The following SRPK2 variants were observed in gnomAD, a reference collection of about 807,000 sequenced individuals.
The protein encoded by SRPK2 is SFRS protein kinase 2.
Under a neutral mutation model 90.8 loss-of-function variants are expected in SRPK2, and 21 were observed. The observed-to-expected ratio is 0.23, with a 90% CI of 0.16 to 0.33. The LOEUF is 0.33. Ranked by LOEUF, SRPK2 falls within the 10% of genes least tolerant of loss-of-function variation. The pLI is 1.00. For missense variants in SRPK2, 620 were observed against 869.0 expected, an observed-to-expected ratio of 0.71 and a Z score of 3.60; for synonymous variants, 288 against 311.1, an observed-to-expected ratio of 0.93 and a Z score of 0.78.
chr7:105,225,215 A>G (rs963170214), intron 2 of SRPK2, among the ~76,000 whole-genome samples: 1 of 152,118 alleles, frequency 6.6e-6, no homozygotes, highest in Admixed American at 6.5e-5. Flanking sequence ...AAAACAAAAA[A>G]CAAAACACCA....
intron 6 of SRPK2, 115 bp downstream of exon 6, chr7:105,167,262 T>G (rs1317818962): frequency 6.2e-6 from 5 of 803,316 alleles, no homozygotes; most frequent in Non-Finnish European, 7.8e-6. Context: ...CTTGACAATG[T>G]TCCTAGAGTG....
chr7:105,324,388 T>C (rs558260623), intron 2 of SRPK2, among the ~76,000 whole-genome samples: 16 of 152,002 alleles, frequency 1.1e-4, no homozygotes, highest in Middle Eastern at 3.4e-3. Context: ...AATGGCGCGA[T>C]CTCAGCTCAC....
intron 2 of SRPK2, among the ~76,000 whole-genome samples, chr7:105,334,292 G>A (rs1368532415): frequency 6.6e-6 from 1 of 152,186 alleles, no homozygotes; most frequent in Non-Finnish European, 1.5e-5. Context: ...ACACTGGCCA[G>A]ATGGTCTCAT....
chr7:105,260,777 A>G (rs1365746899), intron 2 of SRPK2, among the ~76,000 whole-genome samples: 1 of 151,992 alleles, frequency 6.6e-6, no homozygotes, highest in Non-Finnish European at 1.5e-5. Context: ...GCAAACTATC[A>G]CAAGGACAGA....
chr7:105,143,836 A>G (rs1804154522), intron 9 of SRPK2: 1 of 153,364 alleles, frequency 6.5e-6, no homozygotes, highest in Admixed American at 6.5e-5. Context: ...AAGGGAAAAA[A>G]GAAAAAGCTA....
At chr7:105,185,644 T>G (rs1793483814) in intron 3 of SRPK2, among the ~76,000 whole-genome samples, 1 of 152,154 alleles carries the variant, frequency 6.6e-6, no homozygotes, top group Non-Finnish European at 1.5e-5. Context: ...AGAAAAAAGG[T>G]CTTAGAGACA....
At chr7:105,233,055 G>A (rs1281591639) in intron 2 of SRPK2, among the ~76,000 whole-genome samples, 1 of 147,160 alleles carries the variant, frequency 6.8e-6, no homozygotes, top group African/African-American at 2.5e-5. Flanking sequence ...AGGGAGAGAG[G>A]GAGGGAGCAA....
intron 6 of SRPK2, among the ~76,000 whole-genome samples, chr7:105,162,561 A>C (rs1807843105): frequency 6.6e-6 from 1 of 152,228 alleles, no homozygotes; most frequent in African/African-American, 2.4e-5. Flanking sequence ...TATTAAAACA[A>C]TATTATTTTA....
chr7:105,170,938 A>G (rs1476488401), intron 3 of SRPK2, among the ~76,000 whole-genome samples: 1 of 36,352 alleles, frequency 2.8e-5, no homozygotes, highest in Non-Finnish European at 8.0e-5. Context: ...GAAAAAGGAA[A>G]GAAAGAAAGA....
rs533725250 is a variant in SRPK2, at chr7:105,146,589, T to C, written c.691A>G (p.Ile231Val). ...IIHTDIKPEN[I>V]LMCVDDAYVR... is the part of the protein sequence containing the mutation. ...TATGCATCATCCACACACATCAAGA[T>C]ATTTTCCGGCTTTATGTCAGTATGA... The change falls in exon 8 of 16, where the codon ATC becomes GTC. Residue 231 changes from isoleucine to valine, a missense_variant. By Grantham distance (29) the Ile-to-Val change is conservative (BLOSUM62 3). This residue lies in a region of SRPK2 where 196 missense variants were observed against 339.2 expected (regional missense o/e 0.58). Transcript: ENST00000393651. 1 of 1,614,172 alleles carries C rather than the reference T, an allele frequency of 6.2e-7. No homozygotes were observed. Among genetic ancestry groups the C allele is most frequent in the African/African-American group, 1.3e-5 (1 of 75,060 alleles).
At chr7:105,134,240 G>C (rs554098491) in intron 11 of SRPK2, among the ~76,000 whole-genome samples, 1 of 152,308 alleles carries the variant, frequency 6.6e-6, no homozygotes, top group Non-Finnish European at 1.5e-5. Flanking sequence ...GGCCTGGTGA[G>C]AGGTGACTGG....
At position 105,203,616 on chromosome 7, in the gene SRPK2, T is replaced by C. The variant is rs753447259; in HGVS notation, c.229+12A>G. 6 of 1,475,822 alleles carry C rather than the reference T, an allele frequency of 4.1e-6. No individual in the cohort carries two copies. In the African/African-American group the frequency reaches 8.8e-5, roughly 22 times the overall value. The allele number at this position is 1,475,822 out of a possible 1,614,324, so 91.4% of individuals were successfully genotyped here. A position where few individuals can be genotyped will look rare whatever the true frequency, so the allele number is the denominator to read the frequency against. On this transcript the variant is annotated intron_variant, in intron 3 of 15. Coordinates refer to ENST00000393651, the MANE Select transcript of SRPK2 (RefSeq NM_182692.3). ...GAAGGCAAGCCCCACACCACCATGC[T>C]TGGCACATCACCTTTGCAGTAGTCC... is the stretch of plus-strand genomic sequence containing the variant.
upstream of SRPK2, chr7:105,389,356 T>G (rs1215273774): frequency 4.7e-6 from 6 of 1,274,340 alleles, no homozygotes; most frequent in Non-Finnish European, 6.1e-6. Flanking sequence ...CTCCTCTACA[T>G]CCTTGCAACC....
intron 3 of SRPK2, among the ~76,000 whole-genome samples, chr7:105,203,403 C>T (rs1309725695): frequency 1.3e-5 from 2 of 152,158 alleles, no homozygotes; most frequent in Non-Finnish European, 2.9e-5. Flanking sequence ...TGTACAAATA[C>T]ATGTATTTTG....
rs185206783 is a variant in SRPK2 at position 105,199,615 on chromosome 7, G to A, written c.229+4013C>T. Among the ~76,000 whole-genome samples the A allele has an allele frequency of 5.1e-3, 774 of 152,254 alleles. 2 individuals carry two copies. Among genetic ancestry groups the A allele is most frequent in the Admixed American group, 6.9e-3 (105 of 15,290 alleles). ...AGGGAAATCAATCAACTAAGTCAAC[G>A]CAATGAGGATGGGAAGAGCCCAGAC... On this transcript the variant is annotated intron_variant, in intron 3 of 15. Coordinates refer to ENST00000393651, the MANE Select transcript of SRPK2 (RefSeq NM_182692.3).
intron 2 of SRPK2, chr7:105,301,557 A>G: frequency 6.4e-7 from 1 of 1,572,462 alleles, no homozygotes; most frequent in Non-Finnish European, 8.7e-7. Context: ...AACTAGAAGC[A>G]TTACGCTCTA....
chr7:105,323,442 C>A (rs1189165387), intron 2 of SRPK2, among the ~76,000 whole-genome samples: 1 of 152,192 alleles, frequency 6.6e-6, no homozygotes, highest in Admixed American at 6.5e-5. Flanking sequence ...AAATTTCCAA[C>A]TACAAAGGAG....
At chr7:105,364,345 T>TGAA (rs1818772311) in intron 2 of SRPK2, among the ~76,000 whole-genome samples, 1 of 151,944 alleles carries the variant, frequency 6.6e-6, no homozygotes, top group South Asian at 2.1e-4. Flanking sequence ...CATGATGGTC[T>TGAA]CTCTATTGAG....
At chr7:105,345,029 A>G (rs1188130552) in intron 2 of SRPK2, among the ~76,000 whole-genome samples, 1 of 151,928 alleles carries the variant, frequency 6.6e-6, no homozygotes, top group Non-Finnish European at 1.5e-5. Context: ...CCAGCCACTC[A>G]GGAGGCTGAG....
Sources: gnomAD v4.1 joint callset for allele counts (sites outside exome capture counted in the v4.1 genomes callset) on GRCh38, gnomAD v4.1.1 for gene constraint, gnomAD v4.1.1 regional missense constraint, MANE v1.5 for transcripts, NCBI Gene and HGNC (gene_info 2026-07-23, HGNC 2026-07-21) for gene names.